The following C6orf62 variants were observed in gnomAD, a reference collection of about 807,000 sequenced individuals.
The protein encoded by C6orf62 is chromosome 6 open reading frame 62, also known as uncharacterized protein C6orf62.
C6orf62 carries 16 observed loss-of-function variants against 26.8 expected under a neutral mutation model. The observed-to-expected ratio is 0.60, with a 90% CI of 0.40 to 0.91. C6orf62 has a LOEUF of 0.91. Among genes scored for constraint, C6orf62 ranks in the 40% least tolerant of loss-of-function variants. The pLI is 0.00. For synonymous variants in C6orf62, 112 were observed against 91.5 expected (o/e 1.22, Z -1.28); for missense variants, 192 against 271.4 (o/e 0.71, Z 2.06).
intron 3 of C6orf62, among the ~76,000 whole-genome samples, chr6:24,710,852 G>A (rs1252241769): frequency 6.6e-6 from 1 of 151,904 alleles, no homozygotes; most frequent in East Asian, 1.9e-4. Flanking sequence ...AATTAGTTGG[G>A]CATGGGGTGC....
rs956162138 is a variant in C6orf62 at position 24,705,171 on chromosome 6, T to C, written c.*966A>G. 1 of 152,584 alleles carries C rather than the reference T, an allele frequency of 6.6e-6. No individual in the cohort carries two copies. The highest frequency in any genetic ancestry group is 1.5e-5 in the Non-Finnish European group (1 of 68,016). 9.5% of individuals were successfully genotyped at this position (152,584 alleles called of 1,614,324 possible). A position where few individuals can be genotyped will look rare whatever the true frequency, so the allele number is the denominator to read the frequency against. The stretch of plus-strand genomic sequence containing the variant: ...TGACACTCAATGGTTAATTTTACAA[T>C]TTAAGATTCCAACTTTATAACCTTT... On this transcript the variant is annotated 3_prime_UTR_variant, in exon 5 of 5. Coordinates refer to ENST00000378119, the MANE Select transcript of C6orf62 (RefSeq NM_030939.5).
Position 24,718,807 on chromosome 6 carries a change from C to T in C6orf62, c.-139G>A. ...TGATTAGCGAAAATCACGACTATAA[C>T]CCAAAAACTGCACCTTCTGTCAATA... On this transcript the variant is annotated 5_prime_UTR_variant, in exon 1 of 5. Transcript: ENST00000378119. The T allele has an allele frequency of 1.3e-6, 2 of 1,524,412 alleles. No homozygotes were observed. The highest frequency in any genetic ancestry group is 1.7e-6 in the Non-Finnish European group (2 of 1,145,476). 94.4% of individuals were successfully genotyped at this position (1,524,412 alleles called of 1,614,324 possible). A position where few individuals can be genotyped will look rare whatever the true frequency, so the allele number is the denominator to read the frequency against.
chr6:24,719,939 C>A (rs115775074), upstream of C6orf62: 22,544 of 1,549,684 alleles, frequency 0.015, 452 homozygotes, highest in African/African-American at 0.094. Flanking sequence ...GTGGAGTGGG[C>A]GGGAGAGGGT....
chr6:24,708,590 G>A (rs555315414), intron 4 of C6orf62, among the ~76,000 whole-genome samples, 187 bp downstream of exon 4: 21 of 152,196 alleles, frequency 1.4e-4, no homozygotes, highest in Non-Finnish European at 2.8e-4. Context: ...TGCCCGCCTC[G>A]GCTTTCCAAA....
At chr6:24,718,096 T>G (rs1375340767) in intron 1 of C6orf62, among the ~76,000 whole-genome samples, 1 of 152,228 alleles carries the variant, frequency 6.6e-6, no homozygotes, top group Non-Finnish European at 1.5e-5. Flanking sequence ...CTTCATTAAA[T>G]GTAAGAGAAA....
intron 1 of C6orf62, among the ~76,000 whole-genome samples, chr6:24,716,968 C>G (rs1206763943): frequency 6.6e-6 from 1 of 152,166 alleles, no homozygotes; most frequent in Non-Finnish European, 1.5e-5. Context: ...AGTGATCCGC[C>G]TGCCTCAGCC....
At position 24,706,128 on chromosome 6, in the gene C6orf62, G is replaced by C. The variant is rs1779003724; in HGVS notation, c.*9C>G. On this transcript the variant is annotated 3_prime_UTR_variant, in exon 5 of 5. Transcript: ENST00000378119. ...TTCTCTGATCTTCTCCATTTTGCTG[G>C]TCAGTACTCTACTCTGGCATATAAG... 1 of 1,613,604 alleles carries C rather than the reference G, an allele frequency of 6.2e-7. No individual in the cohort carries two copies. Among genetic ancestry groups the C allele is most frequent in the Admixed American group, 1.7e-5 (1 of 59,922 alleles).
intron 3 of C6orf62, 95 bp from the exon 4 acceptor site, chr6:24,709,006 A>G (rs1779069580): frequency 2.6e-6 from 4 of 1,539,776 alleles, no homozygotes; most frequent in Non-Finnish European, 3.5e-6. Flanking sequence ...TAAAGCAGCC[A>G]ACAGTCCGTT....
Position 24,714,458 on chromosome 6 carries a change from A to G in C6orf62, c.307-18T>C. 1 of 1,552,690 alleles carries G rather than the reference A, an allele frequency of 6.4e-7. No individual in the cohort carries two copies. Among genetic ancestry groups the G allele is most frequent in the Non-Finnish European group, 8.7e-7 (1 of 1,153,642 alleles). On this transcript the variant is annotated intron_variant, in intron 2 of 4. Coordinates refer to ENST00000378119, the MANE Select transcript of C6orf62 (RefSeq NM_030939.5). ...ATTACATCCTATAAAATGATTAAAA[A>G]AAAAAAAGTTTACTTTTAAAGAAAC...
intron 1 of C6orf62, 35 bp from the exon 2 acceptor site, chr6:24,716,359 G>T (rs1326400152): frequency 1.3e-6 from 2 of 1,507,580 alleles, no homozygotes; most frequent in South Asian, 2.3e-5. Flanking sequence ...TAACCCACAG[G>T]GAGCACAGCC....
In C6orf62 at chr6:24,718,522, T is replaced by G. The variant is rs747923101; in HGVS notation, c.129+18A>C. 1 of 1,585,868 alleles carries G rather than the reference T, an allele frequency of 6.3e-7. No homozygotes were observed. The highest frequency in any genetic ancestry group is 1.4e-5 in the African/African-American group (1 of 73,794). ...AAAAATTACTTGTGCTAATTCACCA[T>G]TAAGAACTTTAAATTACCTTCTCCT... On this transcript the variant is annotated intron_variant, in intron 1 of 4. Transcript: ENST00000378119.
chr6:24,708,313 T>C (rs551266373), intron 4 of C6orf62, among the ~76,000 whole-genome samples: 14 of 151,318 alleles, frequency 9.3e-5, no homozygotes, highest in Admixed American at 1.3e-4. Flanking sequence ...TTGGGAACCA[T>C]TGTTCTACAG....
chr6:24,715,895 C>T (rs1399821571), intron 2 of C6orf62, among the ~76,000 whole-genome samples: 1 of 142,538 alleles, frequency 7.0e-6, no homozygotes, highest in African/African-American at 2.6e-5. Context: ...ACACCTAACA[C>T]AGATTAAAGA....
chr6:24,708,712 A>G (rs867106375), intron 4 of C6orf62, 65 bp downstream of exon 4: 1 of 1,595,450 alleles, frequency 6.3e-7, no homozygotes, highest in African/African-American at 1.3e-5. Flanking sequence ...ACTTGTATAT[A>G]AAACGTTTAC....
At chr6:24,706,853 G>GCCATGAT (rs1361223198) in intron 4 of C6orf62, 16 of 152,792 alleles carry the variant, frequency 1.0e-4, no homozygotes, top group African/African-American at 3.6e-4. Context: ...GCTGCGGTGA[G>GCCATGAT]CCATGATCCA....
intron 2 of C6orf62, 82 bp downstream of exon 2, chr6:24,716,066 T>C (rs921662996): frequency 8.5e-7 from 1 of 1,170,790 alleles, no homozygotes; most frequent in Admixed American, 1.9e-5. Flanking sequence ...AACTATCCAC[T>C]TTAAGGGGGG....
chr6:24,708,961 CCTATCTGCATCTATATGCTAG>C (rs1779068676), intron 3 of C6orf62, 50 bp from the exon 4 acceptor site: 2 of 1,610,376 alleles, frequency 1.2e-6, no homozygotes, highest in African/African-American at 2.7e-5. Context: ...AGTTATACTA[CCTATCTGCATCTATATGCTAG>C]CTGTGCTGTC....
At chr6:24,716,452 A>G in intron 1 of C6orf62, 128 bp from the exon 2 acceptor site, 1 of 642,054 alleles carries the variant, frequency 1.6e-6, no homozygotes, top group South Asian at 2.0e-5. Context: ...TTATACACTG[A>G]AAACACATTT....
upstream of C6orf62, chr6:24,720,812 G>C (rs3813685): frequency 0.72 from 109,000 of 152,214 alleles, 39,668 homozygotes; most frequent in African/African-American, 0.84. Flanking sequence ...CGGGCGCCTC[G>C]CGGGTCCGGG....
Sources: allele counts gnomAD v4.1 joint callset (sites outside exome capture counted in the v4.1 genomes callset), GRCh38; gene constraint gnomAD v4.1.1; transcripts MANE v1.5; gene names NCBI Gene and HGNC (gene_info 2026-07-23, HGNC 2026-07-21).